The following C12orf42 variants were observed in gnomAD, a reference collection of about 807,000 sequenced individuals.
C12orf42 encodes the protein uncharacterized protein C12orf42.
A neutral mutation model predicts 21.6 loss-of-function variants in C12orf42; 25 were observed. The observed-to-expected ratio is 1.16, with a 90% CI of 0.84 to 1.62. The LOEUF (loss-of-function observed/expected upper bound fraction) is 1.62. C12orf42 is among the 40% of genes most tolerant of loss of function. The probability of loss-of-function intolerance (pLI) is 0.00; values close to 1 mark genes in which losing one functional copy is unlikely to be tolerated. For missense variants in C12orf42, 483 were observed against 459.3 expected, an observed-to-expected ratio of 1.05 and a Z score of -0.47; for synonymous variants, 174 against 175.0, an observed-to-expected ratio of 0.99 and a Z score of 0.05.
At chr12:103,506,689 C>A in the C12orf42 span, among the ~76,000 whole-genome samples, 5 of 147,366 alleles carry the variant, frequency 3.4e-5, no homozygotes, top group Non-Finnish European at 4.4e-5. Flanking sequence ...CAGTAATGTT[C>A]CAATTGTAAA....
chr12:103,213,042 A>G, the C12orf42 span, among the ~76,000 whole-genome samples: 2 of 152,156 alleles, frequency 1.3e-5, no homozygotes, highest in Non-Finnish European at 2.9e-5. Flanking sequence ...TGAAAATACT[A>G]TGCAAACTTT....
the C12orf42 span, among the ~76,000 whole-genome samples, chr12:103,116,143 C>T: frequency 6.6e-6 from 1 of 152,040 alleles, no homozygotes; most frequent in African/African-American, 2.4e-5. Context: ...GGGCAGATTA[C>T]CTGAGGTCAG....
At chr12:103,368,061 T>A in intron 4 of C12orf42, 1 of 1,285,202 alleles carries the variant, frequency 7.8e-7, no homozygotes, top group Non-Finnish European at 1.0e-6. Context: ...GGTAGTAAAT[T>A]GGACAGGCAC....
the C12orf42 span, among the ~76,000 whole-genome samples, chr12:103,526,550 T>G: frequency 6.6e-6 from 1 of 150,744 alleles, no homozygotes; most frequent in Non-Finnish European, 1.5e-5. Flanking sequence ...AAAGAAAGGC[T>G]TAGAGAGGTT....
chr12:103,119,941 T>A, the C12orf42 span, among the ~76,000 whole-genome samples: 1 of 152,238 alleles, frequency 6.6e-6, no homozygotes, highest in African/African-American at 2.4e-5. Flanking sequence ...AACTCTTGGT[T>A]TCTTCTGCTT....
chr12:103,522,632 C>T, the C12orf42 span, among the ~76,000 whole-genome samples: 2 of 152,150 alleles, frequency 1.3e-5, no homozygotes, highest in African/African-American at 4.8e-5. Flanking sequence ...CCCCCTCTTT[C>T]ATGTCTCAGG....
intron 2 of C12orf42, among the ~76,000 whole-genome samples, chr12:103,431,706 G>A (rs1950280353): frequency 6.6e-6 from 1 of 152,146 alleles, no homozygotes; most frequent in Non-Finnish European, 1.5e-5. Flanking sequence ...ATTCACACAA[G>A]CTTTTAATGA....
At chr12:103,151,517 T>C in the C12orf42 span, among the ~76,000 whole-genome samples, 1 of 152,194 alleles carries the variant, frequency 6.6e-6, no homozygotes, top group Non-Finnish European at 1.5e-5. Flanking sequence ...CTGCCATTTA[T>C]AGTTCAAGTA....
the C12orf42 span, among the ~76,000 whole-genome samples, chr12:103,069,286 A>G: frequency 6.6e-6 from 1 of 151,146 alleles, no homozygotes; most frequent in Non-Finnish European, 1.5e-5. Context: ...TGGATATTTT[A>G]ATCACAGTTA....
chr12:103,143,602 A>G, the C12orf42 span, among the ~76,000 whole-genome samples: 1 of 152,218 alleles, frequency 6.6e-6, no homozygotes, highest in East Asian at 1.9e-4. Context: ...TTAAGGCCTC[A>G]ATCCATTTAT....
downstream of C12orf42, among the ~76,000 whole-genome samples, chr12:103,237,251 T>C (rs533152913): frequency 2.8e-4 from 43 of 152,278 alleles, no homozygotes; most frequent in Middle Eastern, 3.4e-3. Flanking sequence ...GAATGTCTAG[T>C]CTTCAACAAT....
chr12:103,198,762 T>C, the C12orf42 span, among the ~76,000 whole-genome samples: 1 of 152,166 alleles, frequency 6.6e-6, no homozygotes, highest in Non-Finnish European at 1.5e-5. Flanking sequence ...AGTCCCTGTG[T>C]TTAGCAATCC....
At chr12:103,139,893 A>G in the C12orf42 span, among the ~76,000 whole-genome samples, 2 of 152,168 alleles carry the variant, frequency 1.3e-5, no homozygotes, top group Non-Finnish European at 2.9e-5. Flanking sequence ...AAAAATAGCT[A>G]TTTTTCTTCT....
At chr12:103,095,681 G>A in the C12orf42 span, among the ~76,000 whole-genome samples, 1 of 152,058 alleles carries the variant, frequency 6.6e-6, no homozygotes, top group South Asian at 2.1e-4. Context: ...AAATTTCCAC[G>A]GAGGCAGAGG....
chr12:103,152,640 G>T, the C12orf42 span, among the ~76,000 whole-genome samples: 1 of 151,958 alleles, frequency 6.6e-6, no homozygotes, highest in Non-Finnish European at 1.5e-5. Flanking sequence ...ATATAGCAAG[G>T]TTGCTGAGTC....
intron 4 of C12orf42, among the ~76,000 whole-genome samples, chr12:103,363,249 A>G (rs1482897025): frequency 6.6e-6 from 1 of 152,128 alleles, no homozygotes; most frequent in Non-Finnish European, 1.5e-5. Flanking sequence ...AGTGAAACTA[A>G]GCTTCATAAA....
the C12orf42 span, among the ~76,000 whole-genome samples, chr12:103,201,807 G>A: frequency 2.0e-5 from 3 of 152,116 alleles, no homozygotes; most frequent in East Asian, 5.8e-4. Flanking sequence ...GATGTTGTGA[G>A]TTGTCTTCAC....
the C12orf42 span, among the ~76,000 whole-genome samples, chr12:103,219,887 T>A: frequency 1.3e-5 from 2 of 152,166 alleles, no homozygotes; most frequent in Non-Finnish European, 2.9e-5. Context: ...GAAGTAACAT[T>A]TGACCCAGCA....
intron 4 of C12orf42, among the ~76,000 whole-genome samples, chr12:103,294,974 T>C (rs1230849850): frequency 6.6e-6 from 1 of 152,166 alleles, no homozygotes; most frequent in Non-Finnish European, 1.5e-5. Context: ...CATGTGTCCA[T>C]GTGTTCTCAT....
Sources: allele counts gnomAD v4.1 joint callset (sites outside exome capture counted in the v4.1 genomes callset), GRCh38; gene constraint gnomAD v4.1.1; transcripts MANE v1.5; gene names NCBI Gene and HGNC (gene_info 2026-07-23, HGNC 2026-07-21).